The following TTC34 variants were observed in gnomAD, a reference collection of about 807,000 sequenced individuals.
TTC34 encodes tetratricopeptide repeat domain 34, also known as tetratricopeptide repeat protein 34.
In TTC34, 44 loss-of-function variants were observed where a neutral mutation model predicts 40.7. The ratio of observed to expected loss-of-function variants is 1.08; its 90% CI spans 0.85 to 1.39. The LOEUF is 1.39. TTC34 is among the 40% of genes most tolerant of loss of function. The pLI is 0.00. For missense variants in TTC34, 884 were observed against 838.0 expected, an observed-to-expected ratio of 1.05 and a Z score of -0.68; for synonymous variants, 422 against 398.6, an observed-to-expected ratio of 1.06 and a Z score of -0.70.
intron 6 of TTC34, among the ~76,000 whole-genome samples, chr1:2,769,519 C>T (rs370659159): frequency 9.8e-6 from 1 of 102,112 alleles, no homozygotes; most frequent in East Asian, 3.3e-4. Flanking sequence ...CCCCAGTGAG[C>T]ATCTGACAAC....
At chr1:2,640,460 TG>T in exon 9 of TTC34, 1 of 152,116 alleles carries the variant, frequency 6.6e-6, no homozygotes, top group Non-Finnish European at 1.5e-5. Flanking sequence ...GGTGGGAGCC[TG>T]GGGACTGTGC....
chr1:2,649,417 GAC>G (rs1639083240), intron 6 of TTC34, among the ~76,000 whole-genome samples: 1 of 151,232 alleles, frequency 6.6e-6, no homozygotes, highest in Admixed American at 6.6e-5. Flanking sequence ...GTGAGCACCT[GAC>G]AGCCTGGAAC....
rs551303930 is a variant in TTC34, at chr1:2,694,963, C to A, written c.2227-49400G>T. On this transcript the variant is annotated intron_variant, in intron 6 of 8. Coordinates refer to ENST00000401095, the Ensembl canonical transcript of TTC34. ...AGCAGCACCCACACCCCCAGGTGAG[C>A]ATCTGACAGCCTGGAGCAGCACCCT... Among the ~76,000 whole-genome samples, 1,065 of 139,428 alleles carry A rather than the reference C, an allele frequency of 7.6e-3. 4 individuals are homozygous for A. Among genetic ancestry groups the A allele is most frequent in the African/African-American group, 0.026 (1,019 of 38,836 alleles). 91.5% of individuals were successfully genotyped at this position (139,428 alleles called of 152,430 possible).
chr1:2,795,853 C>T (rs1264733583), intron 2 of TTC34, among the ~76,000 whole-genome samples: 1 of 152,184 alleles, frequency 6.6e-6, no homozygotes, highest in Non-Finnish European at 1.5e-5. Flanking sequence ...CATCGTGTAT[C>T]GCTGCATGTC....
intron 8 of TTC34, among the ~76,000 whole-genome samples, chr1:2,642,950 C>T (rs1638937164): frequency 6.6e-6 from 1 of 152,254 alleles, no homozygotes; most frequent in Non-Finnish European, 1.5e-5. Flanking sequence ...CCGTCCCTCG[C>T]CTGCGGTGCG....
chr1:2,749,821 GACAGCC>G (rs1641258764), intron 6 of TTC34, among the ~76,000 whole-genome samples: 3 of 122,120 alleles, frequency 2.5e-5, no homozygotes, highest in Admixed American at 1.7e-4. Context: ...GTGAGCATCT[GACAGCC>G]TGGAACAGCA....
chr1:2,683,913 C>T (rs1267202809), intron 6 of TTC34, among the ~76,000 whole-genome samples: 1 of 146,592 alleles, frequency 6.8e-6, no homozygotes, highest in African/African-American at 2.7e-5. Context: ...GGCACCCACA[C>T]CTCCAGGTGA....
intron 6 of TTC34, among the ~76,000 whole-genome samples, chr1:2,651,931 G>C (rs1405186282): frequency 1.3e-5 from 2 of 152,128 alleles, no homozygotes; most frequent in Non-Finnish European, 2.9e-5. Flanking sequence ...GCACTCAGGG[G>C]AGCATCTGAC....
exon 3 of TTC34, chr1:2,790,142 G>A (rs1018598470): frequency 2.5e-6 from 1 of 398,368 alleles, no homozygotes; most frequent in Non-Finnish European, 4.4e-6. Context: ...CTGGAAGCGG[G>A]CGAAGCCCAC....
intron 6 of TTC34, among the ~76,000 whole-genome samples, chr1:2,685,074 T>A (rs532636684): frequency 1.2e-3 from 131 of 104,838 alleles, no homozygotes; most frequent in Middle Eastern, 0.01. Flanking sequence ...AACAGCAGCC[T>A]GCACCCCCAG....
At chr1:2,697,565 CCCCCAGGTGAGCATCCG>C (rs1640923999) in intron 6 of TTC34, among the ~76,000 whole-genome samples, 1 of 70,538 alleles carries the variant, frequency 1.4e-5, no homozygotes, top group Non-Finnish European at 4.1e-5. Context: ...CGCACCCACA[CCCCCAGGTGAGCATCCG>C]ACATCCTGAA....
At chr1:2,685,855 G>A in intron 6 of TTC34, among the ~76,000 whole-genome samples, 1 of 149,896 alleles carries the variant, frequency 6.7e-6, no homozygotes, top group African/African-American at 2.5e-5. Context: ...GTGAGCCTCT[G>A]ACAGCCTGGA....
chr1:2,769,595 G>C (rs1285049578), intron 6 of TTC34, among the ~76,000 whole-genome samples: 1 of 113,182 alleles, frequency 8.8e-6, no homozygotes, highest in Admixed American at 9.7e-5. Context: ...CACACCTCCA[G>C]GGGGAGCATC....
intron 6 of TTC34, among the ~76,000 whole-genome samples, chr1:2,756,443 G>GGAGCAGC (rs1641508197): frequency 8.4e-6 from 1 of 118,984 alleles, no homozygotes; most frequent in Admixed American, 8.2e-5. Flanking sequence ...GTGAGCATCT[G>GGAGCAGC]ACAGCCTGGA....
At chr1:2,797,288 T>C (rs775069183) in intron 2 of TTC34, among the ~76,000 whole-genome samples, 1 of 151,712 alleles carries the variant, frequency 6.6e-6, no homozygotes, top group Non-Finnish European at 1.5e-5. Flanking sequence ...CACCTCCAGA[T>C]GTCTGCTGGC....
intron 2 of TTC34, among the ~76,000 whole-genome samples, chr1:2,798,914 CAAG>C (rs1643742235): frequency 1.0e-5 from 1 of 98,550 alleles, no homozygotes; most frequent in African/African-American, 4.3e-5. Flanking sequence ...TCTCAGCCTC[CAAG>C]CCTCGCAGCC....
chr1:2,697,218 T>C (rs1157161332), intron 6 of TTC34, among the ~76,000 whole-genome samples: 3 of 74,558 alleles, frequency 4.0e-5, no homozygotes, highest in Admixed American at 1.6e-4. Context: ...GGTGAGCATC[T>C]GACAGCCTGG....
chr1:2,800,082 C>G, exon 2 of TTC34: 1 of 398,480 alleles, frequency 2.5e-6, no homozygotes, highest in Non-Finnish European at 4.4e-6. Flanking sequence ...CTCGAGGGCC[C>G]GGCTGCATGC....
rs1297042558 is a variant in TTC34, at chr1:2,773,188, G to A, written c.2226+10421C>T. Among the ~76,000 whole-genome samples the A allele has an allele frequency of 2.7e-4, 38 of 138,866 alleles. No homozygotes were observed. The East Asian group carries it at 9.3e-3, about 34-fold the overall frequency. 91.1% of individuals were successfully genotyped at this position (138,866 alleles called of 152,430 possible). A position where few individuals can be genotyped will look rare whatever the true frequency, so the allele number is the denominator to read the frequency against. On this transcript the variant is annotated intron_variant, in intron 6 of 8. Coordinates refer to ENST00000401095, the Ensembl canonical transcript of TTC34. ...GAGCAGCGCCCACACCCCCAGGTGA[G>A]CATGTGACAGCCTGGAGCAGCGCCC...
Sources: allele counts gnomAD v4.1 joint callset (sites outside exome capture counted in the v4.1 genomes callset), GRCh38; gene constraint gnomAD v4.1.1; transcripts MANE v1.5; gene names NCBI Gene and HGNC (gene_info 2026-07-23, HGNC 2026-07-21).